Variants in WDR7 observed in about 807,000 individuals in gnomAD.
The protein encoded by WDR7 is WD repeat-containing protein 7.
WDR7 carries 46 observed loss-of-function variants against 169.4 expected under a neutral mutation model. The observed-to-expected ratio is 0.27, with a 90% CI of 0.21 to 0.35. The LOEUF (loss-of-function observed/expected upper bound fraction) is 0.35, where lower values mean the gene tolerates loss of function less well. Ranked by LOEUF, WDR7 falls within the 10% of genes least tolerant of loss-of-function variation. The probability of loss-of-function intolerance (pLI) is 1.00; values close to 1 mark genes in which losing one functional copy is unlikely to be tolerated. For synonymous variants in WDR7, 612 were observed against 666.8 expected (o/e 0.92, Z 1.27); for missense variants, 1,534 against 1,859.3 (o/e 0.83, Z 3.22).
intron 20 of WDR7, among the ~76,000 whole-genome samples, 194 bp from the exon 21 acceptor site, chr18:56,879,750 A>G (rs1425673888): frequency 6.6e-6 from 1 of 151,998 alleles, no homozygotes; most frequent in Non-Finnish European, 1.5e-5. Context: ...ATCAATTTTC[A>G]GGTTTTTTTT....
chr18:56,664,887 A>G (rs914666679), intron 1 of WDR7, among the ~76,000 whole-genome samples: 1 of 152,202 alleles, frequency 6.6e-6, no homozygotes, highest in Admixed American at 6.5e-5. Context: ...GGGCACTCAC[A>G]GTGGAAGGGA....
intron 26 of WDR7, among the ~76,000 whole-genome samples, chr18:56,971,123 T>C (rs1432298232): frequency 6.6e-6 from 1 of 151,818 alleles, no homozygotes. Context: ...AATACAAAAA[T>C]TAGCTGAGCA....
At chr18:56,981,914 A>T (rs1247278674) in intron 26 of WDR7, among the ~76,000 whole-genome samples, 1 of 152,206 alleles carries the variant, frequency 6.6e-6, no homozygotes, top group Admixed American at 6.5e-5. Flanking sequence ...CTACAGGAGA[A>T]CAACTGACCC....
chr18:56,903,786 A>G (rs1171328518), intron 21 of WDR7, among the ~76,000 whole-genome samples: 4 of 152,176 alleles, frequency 2.6e-5, no homozygotes, highest in Non-Finnish European at 5.9e-5. Flanking sequence ...ACTATGGACC[A>G]CAAGTAGATT....
chr18:56,940,374 A>C (rs2145704181), intron 25 of WDR7, among the ~76,000 whole-genome samples: 1 of 152,298 alleles, frequency 6.6e-6, no homozygotes, highest in Non-Finnish European at 1.5e-5. Context: ...TGTATTTACA[A>C]TAGACCTTGT....
intron 20 of WDR7, among the ~76,000 whole-genome samples, chr18:56,864,304 A>G (rs918140049): frequency 6.6e-6 from 1 of 151,592 alleles, no homozygotes; most frequent in African/African-American, 2.4e-5. Flanking sequence ...CATCTGGTTA[A>G]ATGAAATGTT....
intron 15 of WDR7, among the ~76,000 whole-genome samples, 173 bp from the exon 16 acceptor site, chr18:56,758,692 G>GA (rs2043935732): frequency 6.6e-6 from 1 of 152,044 alleles, no homozygotes; most frequent in Non-Finnish European, 1.5e-5. Context: ...ATTTGAAATG[G>GA]AAAACGTTAA....
intron 26 of WDR7, among the ~76,000 whole-genome samples, chr18:57,008,695 T>G (rs2048098770): frequency 6.6e-6 from 1 of 152,238 alleles, no homozygotes; most frequent in Non-Finnish European, 1.5e-5. Flanking sequence ...CAGAAACTAC[T>G]GTCTCCTCGT....
chr18:56,719,313 T>C (rs777727209), intron 13 of WDR7, among the ~76,000 whole-genome samples: 12 of 151,998 alleles, frequency 7.9e-5, no homozygotes, highest in Admixed American at 1.3e-4. Flanking sequence ...CCTGTAATCC[T>C]AGCACTTTGG....
intron 7 of WDR7, among the ~76,000 whole-genome samples, chr18:56,690,652 A>C (rs2025545961): frequency 6.6e-6 from 1 of 152,032 alleles, no homozygotes; most frequent in African/African-American, 2.4e-5. Flanking sequence ...CTGTCTCTAC[A>C]AGAAATAAGA....
At chr18:56,731,143 T>C (rs1408844864) in intron 13 of WDR7, among the ~76,000 whole-genome samples, 1 of 152,126 alleles carries the variant, frequency 6.6e-6, no homozygotes, top group Non-Finnish European at 1.5e-5. Flanking sequence ...TGTTGGAATC[T>C]TAGCTCTGAA....
At chr18:56,888,598 T>C (rs1237695285) in intron 21 of WDR7, among the ~76,000 whole-genome samples, 1 of 152,234 alleles carries the variant, frequency 6.6e-6, no homozygotes, top group East Asian at 1.9e-4. Flanking sequence ...TGCATTTTTA[T>C]TCCAACCCAC....
In WDR7 at chr18:56,682,849, A is replaced by C; in HGVS notation, c.516A>C (p.Thr172=). 1 of 1,613,410 alleles carries C rather than the reference A, an allele frequency of 6.2e-7. No homozygotes were observed. The highest frequency in any genetic ancestry group is 1.3e-5 in the African/African-American group (1 of 75,030). The part of the protein sequence containing the change: ...SSMSIIRSHR[T]QEDTVVALSV... ...TGAGTATTATTCGATCCCACCGAAC[A>C]CAAGGTCAGTGTATTATGCCTGTTA... Residue 172 remains threonine (T), a synonymous_variant, in exon 5 of 28, where the codon ACA becomes ACC. Coordinates refer to ENST00000254442, the MANE Select transcript of WDR7 (RefSeq NM_015285.3).
chr18:56,946,847 C>T (rs2047110582), intron 25 of WDR7, among the ~76,000 whole-genome samples: 2 of 152,110 alleles, frequency 1.3e-5, no homozygotes, highest in Non-Finnish European at 1.5e-5. Context: ...AACTGAAATA[C>T]TTTAGCTCTT....
At chr18:56,682,966 A>G in intron 5 of WDR7, 113 bp downstream of exon 5, 1 of 1,110,668 alleles carries the variant, frequency 9.0e-7, no homozygotes, top group Non-Finnish European at 1.3e-6. Flanking sequence ...CTTCTATGTA[A>G]GAAATAACTA....
At chr18:57,018,421 AG>A (rs1568316087) in intron 26 of WDR7, among the ~76,000 whole-genome samples, 1 of 152,244 alleles carries the variant, frequency 6.6e-6, no homozygotes, top group African/African-American at 2.4e-5. Context: ...GAAATAAGTG[AG>A]CTGGGCAGCC....
intron 25 of WDR7, among the ~76,000 whole-genome samples, chr18:56,944,125 A>T (rs1329304808): frequency 6.6e-6 from 1 of 151,042 alleles, no homozygotes; most frequent in Non-Finnish European, 1.5e-5. Context: ...AGTAGCTGGG[A>T]CTTCAGGTGT....
At chr18:56,896,806 A>T (rs573622754) in intron 21 of WDR7, among the ~76,000 whole-genome samples, 1 of 151,954 alleles carries the variant, frequency 6.6e-6, no homozygotes, top group South Asian at 2.1e-4. Context: ...AAACCAAGCC[A>T]CTAAGAAGAC....
In WDR7 at chr18:56,794,117, G is replaced by A. The variant is rs553101523; in HGVS notation, c.3190+12461G>A. On this transcript the variant is annotated intron_variant, in intron 19 of 27. Coordinates refer to ENST00000254442, the MANE Select transcript of WDR7 (RefSeq NM_015285.3). ...ATTTGTATCTTAGAATATATCAAAC[G>A]TAGAGAAAGGTGGAGAGTAATGTAA... is the stretch of plus-strand genomic sequence containing the variant. Among the ~76,000 whole-genome samples, 11 of 151,910 alleles carry A rather than the reference G, an allele frequency of 7.2e-5. No homozygotes were observed. The South Asian group carries it at 1.0e-3, about 14-fold the overall frequency.
Sources: gnomAD v4.1 joint callset for allele counts (sites outside exome capture counted in the v4.1 genomes callset) on GRCh38, gnomAD v4.1.1 for gene constraint, MANE v1.5 for transcripts, NCBI Gene and HGNC (gene_info 2026-07-23, HGNC 2026-07-21) for gene names.